Variants in FRMD4A observed in about 807,000 individuals in gnomAD.
FRMD4A encodes the protein FERM domain-containing protein 4A.
In FRMD4A, 29 loss-of-function variants were observed where a neutral mutation model predicts 129.1. The ratio of observed to expected loss-of-function variants is 0.22; its 90% CI spans 0.17 to 0.31. The LOEUF (loss-of-function observed/expected upper bound fraction) is 0.31, where lower values mean the gene tolerates loss of function less well. Among genes scored for constraint, FRMD4A ranks in the 10% least tolerant of loss-of-function variants. FRMD4A has a pLI of 1.00. For missense variants in FRMD4A, 1,272 were observed against 1,375.8 expected, an observed-to-expected ratio of 0.92 and a Z score of 1.19; for synonymous variants, 634 against 571.6, an observed-to-expected ratio of 1.11 and a Z score of -1.56.
At chr10:13,893,383 T>C (rs374517490) in intron 2 of FRMD4A, among the ~76,000 whole-genome samples, 3 of 152,168 alleles carry the variant, frequency 2.0e-5, no homozygotes, top group African/African-American at 4.8e-5. Flanking sequence ...TTTTTGATAA[T>C]GCAATTGGAG....
intron 2 of FRMD4A, among the ~76,000 whole-genome samples, chr10:13,971,184 G>A (rs561706903): frequency 2.6e-5 from 4 of 151,774 alleles, no homozygotes; most frequent in South Asian, 2.1e-4. Context: ...GCATGCACAC[G>A]CACGCACACA....
chr10:14,037,454 G>A (rs1330013764), intron 2 of FRMD4A, among the ~76,000 whole-genome samples: 1 of 152,196 alleles, frequency 6.6e-6, no homozygotes, highest in Non-Finnish European at 1.5e-5. Context: ...CTGACCTCAT[G>A]TGATCCACCC....
At chr10:13,700,987 T>C (rs139585494) in intron 14 of FRMD4A, among the ~76,000 whole-genome samples, 240 of 152,106 alleles carry the variant, frequency 1.6e-3, no homozygotes, top group Middle Eastern at 0.01. Context: ...AAAAGGAAGA[T>C]AGTATACCAC....
intron 2 of FRMD4A, among the ~76,000 whole-genome samples, chr10:13,893,176 A>G (rs991420157): frequency 2.6e-5 from 4 of 152,084 alleles, no homozygotes; most frequent in Admixed American, 2.6e-4. Flanking sequence ...AACTGGGACT[A>G]CAGGCACACC....
At chr10:13,947,967 TG>T (rs1042911402) in intron 2 of FRMD4A, among the ~76,000 whole-genome samples, 24 of 151,444 alleles carry the variant, frequency 1.6e-4, no homozygotes, top group African/African-American at 5.1e-4. Context: ...GAGGCCAAGG[TG>T]GGAAGATCGC....
chr10:13,807,395 A>C (rs1030437571), intron 4 of FRMD4A, among the ~76,000 whole-genome samples: 1 of 152,196 alleles, frequency 6.6e-6, no homozygotes, highest in Non-Finnish European at 1.5e-5. Context: ...GTTTTGATGA[A>C]AGTCACGTCG....
intron 8 of FRMD4A, chr10:13,756,229 A>T (rs915546631): frequency 6.6e-6 from 1 of 152,336 alleles, no homozygotes; most frequent in Non-Finnish European, 1.5e-5. Context: ...GATGTTTTTT[A>T]CTTGTCTCTG....
chr10:13,891,854 G>A, intron 2 of FRMD4A: 2 of 539,780 alleles, frequency 3.7e-6, no homozygotes, highest in Non-Finnish European at 4.7e-6. Flanking sequence ...CCCGGCGCCA[G>A]TGAGCCCCGC....
At chr10:14,292,361 C>G (rs1437444766) in intron 2 of FRMD4A, among the ~76,000 whole-genome samples, 2 of 152,204 alleles carry the variant, frequency 1.3e-5, no homozygotes, top group African/African-American at 4.8e-5. Flanking sequence ...AGATTTGTCA[C>G]AGAAGGATAT....
chr10:14,322,976 T>C (rs750975429), intron 2 of FRMD4A, among the ~76,000 whole-genome samples: 99 of 152,204 alleles, frequency 6.5e-4, no homozygotes, highest in Non-Finnish European at 1.3e-3. Flanking sequence ...AGAGAACATA[T>C]TGCAGCCCAT....
intron 14 of FRMD4A, among the ~76,000 whole-genome samples, chr10:13,694,781 G>A (rs1421004712): frequency 7.9e-5 from 12 of 152,028 alleles, no homozygotes; most frequent in Non-Finnish European, 5.9e-5. Context: ...GTTGGAGGCT[G>A]CAGTGAGCTG....
At chr10:14,045,702 T>A (rs373886823) in intron 2 of FRMD4A, among the ~76,000 whole-genome samples, 1 of 146,398 alleles carries the variant, frequency 6.8e-6, no homozygotes, top group East Asian at 1.9e-4. Context: ...TATAATTATA[T>A]TATAATATTT....
chr10:14,291,941 A>G (rs1029699225), intron 2 of FRMD4A, among the ~76,000 whole-genome samples: 16 of 152,146 alleles, frequency 1.1e-4, no homozygotes, highest in East Asian at 1.9e-4. Flanking sequence ...GTGATGTATT[A>G]AAGCTACCAT....
chr10:13,838,955 A>G (rs1210741323), intron 3 of FRMD4A, among the ~76,000 whole-genome samples: 1 of 150,864 alleles, frequency 6.6e-6, no homozygotes. Flanking sequence ...TGCAATGATT[A>G]ATATGACTTT....
chr10:14,131,500 G>A (rs1001292110), intron 2 of FRMD4A, among the ~76,000 whole-genome samples: 9 of 151,772 alleles, frequency 5.9e-5, no homozygotes, highest in African/African-American at 1.5e-4. Context: ...GGAGACTGTC[G>A]GGAAAGACAC....
intron 3 of FRMD4A, among the ~76,000 whole-genome samples, chr10:13,857,696 A>C (rs2094232882): frequency 6.6e-6 from 1 of 152,194 alleles, no homozygotes; most frequent in Non-Finnish European, 1.5e-5. Context: ...CATCCTCTCA[A>C]CTCACTGATG....
chr10:14,152,852 A>T (rs937893348), intron 2 of FRMD4A, among the ~76,000 whole-genome samples: 11 of 152,100 alleles, frequency 7.2e-5, no homozygotes, highest in Non-Finnish European at 1.3e-4. Flanking sequence ...AGAAGAAAAA[A>T]AAAATGCAGA....
intron 2 of FRMD4A, among the ~76,000 whole-genome samples, chr10:14,283,707 T>A (rs770844474): frequency 1.1e-4 from 16 of 152,244 alleles, no homozygotes; most frequent in Admixed American, 3.3e-4. Context: ...ATAATATGTG[T>A]CATTTCAACA....
At chr10:13,838,402 C>T (rs12220651) in intron 3 of FRMD4A, among the ~76,000 whole-genome samples, 46,397 of 150,986 alleles carry the variant, frequency 0.31, 7,434 homozygotes, top group Middle Eastern at 0.47. Context: ...CCACAATGTG[C>T]CATTTATGAT....
Sources: allele counts gnomAD v4.1 joint callset (sites outside exome capture counted in the v4.1 genomes callset), GRCh38; gene constraint gnomAD v4.1.1; transcripts MANE v1.5; gene names NCBI Gene and HGNC (gene_info 2026-07-23, HGNC 2026-07-21).